The following PAFAH1B2 variants were observed in gnomAD, a reference collection of about 807,000 sequenced individuals.
The protein encoded by PAFAH1B2 is platelet activating factor acetylhydrolase 1b catalytic subunit 2.
A neutral mutation model predicts 28.0 loss-of-function variants in PAFAH1B2; 8 were observed. That is an observed-to-expected ratio of 0.29 (90% CI 0.17 to 0.52). The LOEUF is 0.52. PAFAH1B2 is among the 20% of genes least tolerant of loss of function. The pLI is 0.97. For missense variants in PAFAH1B2, 190 were observed against 282.6 expected (o/e 0.67, Z 2.35); for synonymous variants, 104 against 103.2 (o/e 1.01, Z -0.05).
At chr11:117,171,124 A>T (rs976083623), downstream of PAFAH1B2, 1 of 939,866 alleles carries the variant, frequency 1.1e-6, no homozygotes, top group South Asian at 5.0e-5. Context: ...CTGCCTTATC[A>T]TAAGGAAATT....
At position 117,169,342 on chromosome 11, in the gene PAFAH1B2, A is replaced by G; in HGVS notation, c.*1643A>G. ...GATGATTTTATCAGTATACCTGTGG[A>G]ATATGTACAAACTGGATCTATAGAT... is the stretch of plus-strand genomic sequence containing the variant. On this transcript the variant is annotated 3_prime_UTR_variant, in exon 6 of 6. Transcript: ENST00000527958. The G allele has an allele frequency of 9.5e-7, 1 of 1,049,946 alleles. No individual in the cohort carries two copies. The highest frequency in any genetic ancestry group is 4.6e-5 in the South Asian group (1 of 21,826). 65.0% of individuals were successfully genotyped at this position (1,049,946 alleles called of 1,614,324 possible).
At chr11:117,154,385 GAAAAATC>G (rs939122567) in intron 2 of PAFAH1B2, among the ~76,000 whole-genome samples, 4 of 152,192 alleles carry the variant, frequency 2.6e-5, no homozygotes, top group African/African-American at 9.7e-5. Context: ...TCTGGCTGTA[GAAAAATC>G]AGTCAAATGG....
At chr11:117,158,561 T>C (rs1469301903) in intron 2 of PAFAH1B2, among the ~76,000 whole-genome samples, 2 of 152,162 alleles carry the variant, frequency 1.3e-5, no homozygotes, top group African/African-American at 4.8e-5. Flanking sequence ...TATAATACTT[T>C]ATTGAACTCT....
chr11:117,176,816 G>T (rs960745934), exon 6 of PAFAH1B2: 1 of 149,780 alleles, frequency 6.7e-6, no homozygotes, highest in African/African-American at 2.5e-5. Context: ...GGCGGAGATT[G>T]CAGTGAGCTG....
chr11:117,162,126 C>A (rs1003444303), intron 4 of PAFAH1B2, among the ~76,000 whole-genome samples: 3 of 152,094 alleles, frequency 2.0e-5, no homozygotes, highest in African/African-American at 7.2e-5. Flanking sequence ...CCTGACAAAA[C>A]GTGCTTTCAT....
chr11:117,149,455 C>T (rs1217694225), intron 1 of PAFAH1B2, among the ~76,000 whole-genome samples: 1 of 7,850 alleles, frequency 1.3e-4, no homozygotes, highest in South Asian at 1.5e-3. Flanking sequence ...GAGATGGAGT[C>T]TCGCTCTGTC....
chr11:117,175,487 A>G (rs576341783), downstream of PAFAH1B2: 194 of 1,086,732 alleles, frequency 1.8e-4, no homozygotes, highest in African/African-American at 3.0e-3. Context: ...TGACGATTCA[A>G]AAGTTAAGTC....
intron 5 of PAFAH1B2, among the ~76,000 whole-genome samples, chr11:117,167,119 T>C (rs1425538396): frequency 6.6e-6 from 1 of 152,130 alleles, no homozygotes; most frequent in Non-Finnish European, 1.5e-5. Flanking sequence ...TTTCTGTAGC[T>C]TAGAAGTTTC....
chr11:117,167,474 G>A lies in PAFAH1B2; in HGVS notation c.465G>A (p.Lys155=), dbSNP rs1258299184. Residue 155 remains lysine (K), a synonymous_variant, in exon 6 of 6, where the codon AAG becomes AAA. Transcript: ENST00000527958. ...KPNPLRQKNA[K]VNQLLKVSLP... is the part of the protein sequence containing the mutation. ...ATCCTTTGAGGCAAAAGAACGCCAA[G>A]GTGAACCAACTCCTCAAGGTTTCGC... The A allele has an allele frequency of 1.2e-6, 2 of 1,605,720 alleles. No homozygotes were observed. The highest frequency in any genetic ancestry group is 1.7e-6 in the Non-Finnish European group (2 of 1,174,726).
At chr11:117,175,552 C>T (rs1400838987), downstream of PAFAH1B2, 2 of 1,111,146 alleles carry the variant, frequency 1.8e-6, no homozygotes, top group South Asian at 3.9e-5. Context: ...ATGGATTTCT[C>T]TCCAGATATT....
chr11:117,155,696 A>G (rs948795467), intron 2 of PAFAH1B2, among the ~76,000 whole-genome samples: 8 of 152,060 alleles, frequency 5.3e-5, no homozygotes, highest in African/African-American at 1.7e-4. Context: ...AAAATTATAT[A>G]TATATATATC....
chr11:117,160,053 T>C, intron 3 of PAFAH1B2, 30 bp downstream of exon 3: 1 of 1,431,898 alleles, frequency 7.0e-7, no homozygotes. Context: ...GCGTGGTTCT[T>C]GGCTACTCAT....
Position 117,165,916 on chromosome 11 carries a change from T to C in PAFAH1B2, c.412-1505T>C, listed in dbSNP as rs139071378. Among the ~76,000 whole-genome samples, 300 of 152,006 alleles carry C rather than the reference T, an allele frequency of 2.0e-3. 3 individuals are homozygous for C. Among genetic ancestry groups the C allele is most frequent in the African/African-American group, 5.8e-3 (241 of 41,460 alleles). On this transcript the variant is annotated intron_variant, in intron 5 of 5. Transcript: ENST00000527958. ...GTGCAGTGGCGTGATCTTAGCTCAC[T>C]GCAACCTCCGCCTCCCGGGTTCAAG...
At position 117,161,144 on chromosome 11, in the gene PAFAH1B2, G is replaced by C; in HGVS notation, c.172-1G>C. ...ACTAAATCAAGTTTTTCTTTTTTTA[G>C]ATATGGCGAGAGCTTTTTTCCCCAC... On this transcript the variant is annotated splice_acceptor_variant, in intron 3 of 5. Coordinates refer to ENST00000527958, the MANE Select transcript of PAFAH1B2 (RefSeq NM_002572.4). LOFTEE classifies it high-confidence loss of function. The C allele has an allele frequency of 1.3e-6, 2 of 1,575,180 alleles. No individual in the cohort carries two copies. Among genetic ancestry groups the C allele is most frequent in the Non-Finnish European group, 1.7e-6 (2 of 1,164,494 alleles).
exon 6 of PAFAH1B2, chr11:117,176,150 C>CA: frequency 1.7e-6 from 1 of 578,092 alleles, no homozygotes; most frequent in Non-Finnish European, 3.1e-6. Flanking sequence ...TTCTGAGCGT[C>CA]ACTTTCCTCA....
intron 5 of PAFAH1B2, among the ~76,000 whole-genome samples, chr11:117,165,148 G>A (rs1956475925): frequency 6.6e-6 from 1 of 151,290 alleles, no homozygotes; most frequent in African/African-American, 2.4e-5. Context: ...GTAGAGATGG[G>A]GTTTCACCGT....
intron 3 of PAFAH1B2, among the ~76,000 whole-genome samples, chr11:117,160,311 A>G (rs1368535618): frequency 6.6e-6 from 1 of 152,122 alleles, no homozygotes; most frequent in East Asian, 1.9e-4. Flanking sequence ...TTGTCAAGTT[A>G]TTATTTGTAT....
chr11:117,160,882 A>C (rs1015803220), intron 3 of PAFAH1B2, among the ~76,000 whole-genome samples: 1 of 151,332 alleles, frequency 6.6e-6, no homozygotes. Context: ...GGGTTTGTTG[A>C]GTTGACAGCT....
chr11:117,174,860 C>A, downstream of PAFAH1B2: 2 of 1,400,812 alleles, frequency 1.4e-6, no homozygotes, highest in Non-Finnish European at 1.9e-6. Context: ...GATGATCCAA[C>A]CGCCTTGGCC....
Sources: allele counts gnomAD v4.1 joint callset (sites outside exome capture counted in the v4.1 genomes callset), GRCh38; gene constraint gnomAD v4.1.1; transcripts MANE v1.5; gene names NCBI Gene and HGNC (gene_info 2026-07-23, HGNC 2026-07-21).